The following MYO1B variants were observed in gnomAD, a reference collection of about 807,000 sequenced individuals.
MYO1B encodes myosin IB.
MYO1B carries 72 observed loss-of-function variants against 159.7 expected under a neutral mutation model. The ratio of observed to expected loss-of-function variants is 0.45; its 90% confidence interval spans 0.37 to 0.55. MYO1B has a LOEUF of 0.55. MYO1B is among the 20% of genes least tolerant of loss of function. The pLI is 0.00. For synonymous variants in MYO1B, 468 were observed against 473.8 expected, an observed-to-expected ratio of 0.99 and a Z score of 0.16; for missense variants, 1,062 against 1,364.8, an observed-to-expected ratio of 0.78 and a Z score of 3.50.
intron 2 of MYO1B, among the ~76,000 whole-genome samples, chr2:191,286,037 C>A (rs1210449128): frequency 2.0e-5 from 3 of 152,154 alleles, no homozygotes; most frequent in Non-Finnish European, 4.4e-5. Context: ...CTGCTTCTGC[C>A]ACTGATTTAG....
chr2:191,360,306 T>C (rs548351693), intron 7 of MYO1B, among the ~76,000 whole-genome samples: 1 of 152,354 alleles, frequency 6.6e-6, no homozygotes, highest in African/African-American at 2.4e-5. Flanking sequence ...TTTCATTGCT[T>C]ACATTTGTAA....
chr2:191,292,683 C>G (rs1688755378), intron 2 of MYO1B, among the ~76,000 whole-genome samples: 1 of 152,106 alleles, frequency 6.6e-6, no homozygotes, highest in Non-Finnish European at 1.5e-5. Flanking sequence ...ATGGCCTGAA[C>G]CAATCTTTCA....
intron 30 of MYO1B, among the ~76,000 whole-genome samples, chr2:191,421,042 C>A (rs1697902520): frequency 6.6e-6 from 1 of 150,878 alleles, no homozygotes; most frequent in African/African-American, 2.4e-5. Flanking sequence ...CTCAATATAT[C>A]TTGCCTATTG....
chr2:191,262,142 T>G (rs1686850029), intron 1 of MYO1B, among the ~76,000 whole-genome samples: 1 of 152,196 alleles, frequency 6.6e-6, no homozygotes, highest in Admixed American at 6.5e-5. Flanking sequence ...TCCTAATTCT[T>G]GTTCCTCAAC....
At chr2:191,335,870 A>T (rs553085429) in intron 4 of MYO1B, among the ~76,000 whole-genome samples, 1 of 152,208 alleles carries the variant, frequency 6.6e-6, no homozygotes, top group Non-Finnish European at 1.5e-5. Flanking sequence ...GGAGTTATGT[A>T]ACATGGGCAC....
intron 1 of MYO1B, among the ~76,000 whole-genome samples, chr2:191,265,174 T>C (rs942106361): frequency 1.7e-4 from 25 of 147,198 alleles, no homozygotes; most frequent in African/African-American, 5.6e-4. Flanking sequence ...GCCTGAACGA[T>C]GGGAAGGCCC....
At chr2:191,306,897 G>T (rs1009285173) in intron 3 of MYO1B, among the ~76,000 whole-genome samples, 2 of 152,160 alleles carry the variant, frequency 1.3e-5, no homozygotes, top group Non-Finnish European at 2.9e-5. Context: ...TACCAGGTGT[G>T]TGACATTTTT....
chr2:191,355,040 C>T (rs375627099), intron 7 of MYO1B, among the ~76,000 whole-genome samples: 1 of 152,180 alleles, frequency 6.6e-6, no homozygotes, highest in Admixed American at 6.5e-5. Flanking sequence ...TTAGCAACTA[C>T]AGCACAACCA....
intron 27 of MYO1B, among the ~76,000 whole-genome samples, chr2:191,413,332 G>C (rs1212328493): frequency 6.6e-6 from 1 of 152,058 alleles, no homozygotes; most frequent in East Asian, 1.9e-4. Context: ...CTAACACAAA[G>C]CCTGTTTTAT....
intron 25 of MYO1B, among the ~76,000 whole-genome samples, chr2:191,408,549 G>C (rs1697069328): frequency 6.6e-6 from 1 of 152,168 alleles, no homozygotes; most frequent in African/African-American, 2.4e-5. Flanking sequence ...GGGGAGAGGG[G>C]TGACAGGGAG....
In MYO1B at chr2:191,392,282, C is replaced by G. The variant is rs545705329; in HGVS notation, c.2076+81C>G. On this transcript the variant is annotated intron_variant, in intron 19 of 30. Transcript: ENST00000392318. ...TCTTAAAATATGTTTAACTTTATAACATTATATGAGGGGCCACCATGAATG... is the reference window on the plus strand; with the variant it reads ...TCTTAAAATATGTTTAACTTTATAAGATTATATGAGGGGCCACCATGAATG... The G allele has an allele frequency of 1.0e-4, 108 of 1,036,010 alleles. 1 individual carries two copies. In the South Asian group the frequency reaches 2.0e-3, roughly 19 times the overall value. The allele number at this position is 1,036,010 out of a possible 1,614,324, so 64.2% of individuals were successfully genotyped here.
intron 21 of MYO1B, 95 bp from the exon 22 acceptor site, chr2:191,400,287 T>C (rs1574614739): frequency 1.6e-6 from 2 of 1,276,894 alleles, no homozygotes; most frequent in East Asian, 4.6e-5. Flanking sequence ...ATAGCATGGG[T>C]GTTAGGACGA....
rs554817991 is a variant in MYO1B, at chr2:191,408,330, GAGTT to G, written c.2631+147_2631+150del. ...AATTAAATCATAGCTGTGACACTGA[GAGTT>G]AGTTATCTTTTAAAATCATCTTCTT... On this transcript the variant is annotated intron_variant, in intron 25 of 30. Coordinates refer to ENST00000392318, the MANE Select transcript of MYO1B (RefSeq NM_001130158.3). 1.3e-3 allele frequency: 746 copies of G among 593,182 alleles called. 6 individuals carry two copies. The highest frequency in any genetic ancestry group is 4.5e-3 in the South Asian group (192 of 42,256). The allele number at this position is 593,182 out of a possible 1,614,324, so 36.7% of individuals were successfully genotyped here. A position where few individuals can be genotyped will look rare whatever the true frequency, so the allele number is the denominator to read the frequency against.
At chr2:191,282,761 T>C (rs954223628) in intron 2 of MYO1B, among the ~76,000 whole-genome samples, 19 of 152,170 alleles carry the variant, frequency 1.2e-4, no homozygotes, top group Admixed American at 3.3e-4. Context: ...AGAGTTTGCA[T>C]GGAACAAGAG....
chr2:191,269,273 T>G (rs1477900416), intron 1 of MYO1B, among the ~76,000 whole-genome samples: 1 of 152,224 alleles, frequency 6.6e-6, no homozygotes, highest in East Asian at 1.9e-4. Flanking sequence ...TGGGACTGGC[T>G]TATTTCACAT....
At chr2:191,344,677 A>C (rs1057358433) in intron 5 of MYO1B, among the ~76,000 whole-genome samples, 3 of 151,732 alleles carry the variant, frequency 2.0e-5, no homozygotes, top group Non-Finnish European at 2.9e-5. Context: ...AAAAATACAA[A>C]AAATTAGCCG....
chr2:191,368,862 C>T (rs1694179569), intron 11 of MYO1B, among the ~76,000 whole-genome samples: 1 of 152,024 alleles, frequency 6.6e-6, no homozygotes, highest in South Asian at 2.1e-4. Flanking sequence ...TAGTCCCAGT[C>T]ACTCGGGAGG....
intron 13 of MYO1B, among the ~76,000 whole-genome samples, chr2:191,372,608 A>G (rs1272401315): frequency 6.6e-6 from 1 of 152,202 alleles, no homozygotes; most frequent in African/African-American, 2.4e-5. Flanking sequence ...TCTAATCAGG[A>G]AACTATATTA....
chr2:191,258,910 T>C (rs1392998562), intron 1 of MYO1B, among the ~76,000 whole-genome samples: 2 of 152,244 alleles, frequency 1.3e-5, no homozygotes, highest in Non-Finnish European at 2.9e-5. Context: ...TTTATGTCCT[T>C]TGAAGTGACC....
Sources: gnomAD v4.1 joint callset for allele counts (sites outside exome capture counted in the v4.1 genomes callset) on GRCh38, gnomAD v4.1.1 for gene constraint, MANE v1.5 for transcripts, NCBI Gene and HGNC (gene_info 2026-07-23, HGNC 2026-07-21) for gene names.